The following LOC128125814 variants were observed in gnomAD, a reference collection of about 807,000 sequenced individuals.
At chr12:57,519,173 G>C in the LOC128125814 span, 1 of 533,404 alleles carries the variant, frequency 1.9e-6, no homozygotes, top group East Asian at 5.4e-5. Flanking sequence ...TTTTAAAACA[G>C]GTCATTCCTC....
chr12:57,520,107 C>G, the LOC128125814 span, among the ~76,000 whole-genome samples: 2 of 152,214 alleles, frequency 1.3e-5, no homozygotes, highest in Admixed American at 1.3e-4. Flanking sequence ...ACCTGCCTCC[C>G]CGCGGACAGG....
chr12:57,518,232 C>CT, the LOC128125814 span, among the ~76,000 whole-genome samples: 1 of 146,334 alleles, frequency 6.8e-6, no homozygotes, highest in African/African-American at 2.8e-5. Flanking sequence ...GCCTGACTTT[C>CT]TTTATTTTTA....
At chr12:57,518,768 CCTG>C in the LOC128125814 span, among the ~76,000 whole-genome samples, 1 of 152,198 alleles carries the variant, frequency 6.6e-6, no homozygotes, top group African/African-American at 2.4e-5. Context: ...AAGCGATTCT[CCTG>C]CTTCAGCCTC....
the LOC128125814 span, chr12:57,519,400 C>G: frequency 8.2e-6 from 3 of 367,180 alleles, no homozygotes; most frequent in African/African-American, 6.4e-5. Context: ...TCCTCTTGCT[C>G]AAGGATGTAC....
At chr12:57,518,375 T>C in the LOC128125814 span, among the ~76,000 whole-genome samples, 1 of 152,176 alleles carries the variant, frequency 6.6e-6, no homozygotes, top group East Asian at 1.9e-4. Flanking sequence ...ATCATAGCAT[T>C]TTCCTAACTC....
the LOC128125814 span, chr12:57,520,377 G>T: frequency 2.5e-6 from 1 of 398,496 alleles, no homozygotes; most frequent in East Asian, 3.6e-5. Flanking sequence ...CCAACTTTGA[G>T]GAGACGGGAG....
the LOC128125814 span, chr12:57,517,726 G>A: frequency 1.9e-6 from 1 of 535,438 alleles, no homozygotes; most frequent in South Asian, 2.9e-5. Flanking sequence ...GTGTGGTGAT[G>A]TATGAAGATA....
the LOC128125814 span, among the ~76,000 whole-genome samples, chr12:57,520,138 T>C: frequency 2.0e-5 from 3 of 152,330 alleles, no homozygotes; most frequent in Admixed American, 6.5e-5. Context: ...AGGCCTGAAG[T>C]TGGCTACGGG....
the LOC128125814 span, chr12:57,520,278 C>A: frequency 5.0e-6 from 2 of 396,666 alleles, no homozygotes; most frequent in Non-Finnish European, 8.9e-6. Flanking sequence ...TAAGCACCAC[C>A]CCAGAATAAG....
At chr12:57,519,949 A>G in the LOC128125814 span, among the ~76,000 whole-genome samples, 1 of 152,236 alleles carries the variant, frequency 6.6e-6, no homozygotes, top group Non-Finnish European at 1.5e-5. Flanking sequence ...CAGTAGCCCC[A>G]GCTACCAAGG....
the LOC128125814 span, chr12:57,519,111 C>T: frequency 1.9e-6 from 1 of 532,298 alleles, no homozygotes; most frequent in South Asian, 1.4e-5. Context: ...CCCATTTCTT[C>T]TCTTGCCACC....
the LOC128125814 span, among the ~76,000 whole-genome samples, chr12:57,518,667 T>A: frequency 2.0e-5 from 3 of 152,150 alleles, no homozygotes; most frequent in East Asian, 5.8e-4. Flanking sequence ...TTTAACTCAT[T>A]CCTTTTTTTC....
chr12:57,518,476 C>G, the LOC128125814 span, among the ~76,000 whole-genome samples: 3 of 152,198 alleles, frequency 2.0e-5, no homozygotes, highest in African/African-American at 7.2e-5. Context: ...GCCTACTTGC[C>G]ATTTCTTTTT....
chr12:57,518,715 C>T, the LOC128125814 span, among the ~76,000 whole-genome samples: 5 of 152,200 alleles, frequency 3.3e-5, no homozygotes, highest in African/African-American at 4.8e-5. Flanking sequence ...GGCTGGAAGG[C>T]AGTGGCGCAA....
At chr12:57,519,794 C>T in the LOC128125814 span, among the ~76,000 whole-genome samples, 6 of 152,210 alleles carry the variant, frequency 3.9e-5, no homozygotes, top group African/African-American at 1.4e-4. Context: ...CAAATGGCCT[C>T]CTACACTTAA....
At chr12:57,517,789 GA>G in the LOC128125814 span, 1 of 429,796 alleles carries the variant, frequency 2.3e-6, no homozygotes, top group Non-Finnish European at 4.1e-6. Context: ...GCCATTTTTG[GA>G]AGGGGGAGAG....
the LOC128125814 span, chr12:57,520,323 A>G: frequency 1.0e-5 from 4 of 398,108 alleles, no homozygotes; most frequent in Non-Finnish European, 1.8e-5. Context: ...ACGGTCCCTA[A>G]CTTCACTGTG....
the LOC128125814 span, chr12:57,519,330 T>C: frequency 2.4e-6 from 1 of 411,332 alleles, no homozygotes; most frequent in African/African-American, 2.1e-5. Flanking sequence ...TTCTCTGCTT[T>C]AGCTTTCTCC....
chr12:57,519,174 G>A, the LOC128125814 span: 1 of 533,436 alleles, frequency 1.9e-6, no homozygotes, highest in Non-Finnish European at 3.8e-6. Flanking sequence ...TTTAAAACAG[G>A]TCATTCCTCT....
Sources: gnomAD v4.1 joint callset for allele counts (sites outside exome capture counted in the v4.1 genomes callset) on GRCh38, gnomAD v4.1.1 for gene constraint, MANE v1.5 for transcripts.